FAM81A: variants seen among roughly 807,000 people sequenced by gnomAD.
The protein encoded by FAM81A is family with sequence similarity 81 member A.
In FAM81A, 19 loss-of-function variants were observed where a neutral mutation model predicts 46.7. The ratio of observed to expected loss-of-function variants is 0.41; its 90% CI spans 0.28 to 0.60. The LOEUF (loss-of-function observed/expected upper bound fraction) is 0.60, where lower values mean the gene tolerates loss of function less well. Among genes scored for constraint, FAM81A ranks in the 20% least tolerant of loss-of-function variants. The pLI is 0.34. For synonymous variants in FAM81A, 183 were observed against 152.9 expected (o/e 1.20, Z -1.45); for missense variants, 377 against 453.5 (o/e 0.83, Z 1.53).
intron 4 of FAM81A, among the ~76,000 whole-genome samples, chr15:59,499,514 G>A (rs1158861302): frequency 2.0e-5 from 3 of 152,048 alleles, no homozygotes; most frequent in Non-Finnish European, 4.4e-5. Flanking sequence ...GTTTTTTCAT[G>A]AGGATTCAAA....
chr15:59,498,309 T>G (rs1309194592), intron 4 of FAM81A, among the ~76,000 whole-genome samples: 4 of 152,238 alleles, frequency 2.6e-5, no homozygotes, highest in Non-Finnish European at 5.9e-5. Context: ...CTATTGTAAA[T>G]AGCAAATCAT....
intron 1 of FAM81A, among the ~76,000 whole-genome samples, chr15:59,400,641 A>G (rs1268263920): frequency 6.6e-6 from 1 of 150,622 alleles, no homozygotes; most frequent in Admixed American, 6.6e-5. Flanking sequence ...TGCTCCCTTC[A>G]CTCCAGCCTC....
At chr15:59,442,005 C>T (rs2081303194) in intron 1 of FAM81A, among the ~76,000 whole-genome samples, 1 of 152,244 alleles carries the variant, frequency 6.6e-6, no homozygotes, top group African/African-American at 2.4e-5. Context: ...ACTCTGATTA[C>T]TCCCGTTATG....
At chr15:59,489,457 A>T (rs1596521994) in intron 3 of FAM81A, among the ~76,000 whole-genome samples, 1 of 152,206 alleles carries the variant, frequency 6.6e-6, no homozygotes, top group East Asian at 1.9e-4. Context: ...GGAATACATA[A>T]TATTGTTAAA....
intron 3 of FAM81A, among the ~76,000 whole-genome samples, chr15:59,471,835 T>G (rs1372137453): frequency 2.0e-5 from 3 of 152,164 alleles, no homozygotes; most frequent in African/African-American, 7.2e-5. Context: ...CTCACATGTT[T>G]ACTAAGGACA....
intron 1 of FAM81A, chr15:59,440,168 G>C (rs1425902992): frequency 1.3e-5 from 2 of 152,004 alleles, no homozygotes; most frequent in African/African-American, 4.8e-5. Flanking sequence ...TTATCTTCTG[G>C]TCCAGTGCTT....
intron 3 of FAM81A, among the ~76,000 whole-genome samples, chr15:59,487,976 C>G (rs2081939462): frequency 6.6e-6 from 1 of 151,840 alleles, no homozygotes; most frequent in African/African-American, 2.4e-5. Context: ...AAACAAAAAA[C>G]CTACAGGCCA....
chr15:59,497,138 A>G (rs1237563551), intron 4 of FAM81A, among the ~76,000 whole-genome samples: 1 of 148,202 alleles, frequency 6.7e-6, no homozygotes, highest in Non-Finnish European at 1.5e-5. Flanking sequence ...AAAGAAGAAG[A>G]AGAAGAAGAA....
chr15:59,426,474 G>A (rs994090032), intron 2 of FAM81A, among the ~76,000 whole-genome samples: 5 of 152,152 alleles, frequency 3.3e-5, no homozygotes, highest in African/African-American at 7.2e-5. Flanking sequence ...TTAGCCAGGC[G>A]TGGTGGCGCA....
chr15:59,482,051 C>G (rs1361150161), intron 3 of FAM81A, among the ~76,000 whole-genome samples: 1 of 152,062 alleles, frequency 6.6e-6, no homozygotes, highest in Non-Finnish European at 1.5e-5. Context: ...CGCAGCCTCT[C>G]CCACTATCAA....
chr15:59,404,621 T>C (rs2081086443), intron 2 of FAM81A, among the ~76,000 whole-genome samples: 1 of 152,098 alleles, frequency 6.6e-6, no homozygotes, highest in African/African-American at 2.4e-5. Flanking sequence ...TACACCCACC[T>C]CATTTTTGTA....
At chr15:59,421,745 GTCTATCTATCTATCTA>G (rs1242529010) in intron 2 of FAM81A, among the ~76,000 whole-genome samples, 10 of 76,658 alleles carry the variant, frequency 1.3e-4, no homozygotes, top group African/African-American at 4.0e-4. Context: ...CTATCTATCT[GTCTATCTATCTATCTA>G]TCTATCTATC....
chr15:59,514,530 G>T, intron 7 of FAM81A, 106 bp downstream of exon 7: 1 of 1,371,164 alleles, frequency 7.3e-7, no homozygotes, highest in Non-Finnish European at 9.8e-7. Context: ...CTGTTCAATT[G>T]TTTCTTGCCT....
At chr15:59,511,619 T>C (rs558121926) in intron 6 of FAM81A, among the ~76,000 whole-genome samples, 8 of 152,186 alleles carry the variant, frequency 5.3e-5, no homozygotes, top group Admixed American at 2.0e-4. Context: ...CCAGGAGCTA[T>C]GTATCAGTAT....
intron 8 of FAM81A, among the ~76,000 whole-genome samples, chr15:59,518,635 A>C (rs2082292517): frequency 6.6e-6 from 1 of 152,108 alleles, no homozygotes; most frequent in South Asian, 2.1e-4. Flanking sequence ...CCCTTTTATT[A>C]TTTCAGTGTA....
In FAM81A at chr15:59,482,746, A is replaced by G. The variant is rs551960335; in HGVS notation, c.295-9525A>G. Among the ~76,000 whole-genome samples the G allele has an allele frequency of 1.8e-4, 28 of 152,372 alleles. No homozygotes were observed. The South Asian group carries it at 5.6e-3, about 30-fold the overall frequency. ...ACTATAGGCAAAGGTTTGCACCACT[A>G]CATACAAAAAGAATAAGTGTTACTT... On this transcript the variant is annotated intron_variant, in intron 3 of 8. Coordinates refer to ENST00000288228, the MANE Select transcript of FAM81A (RefSeq NM_152450.3).
chr15:59,471,827 C>T (rs1306400788), intron 3 of FAM81A, among the ~76,000 whole-genome samples: 4 of 152,100 alleles, frequency 2.6e-5, no homozygotes, highest in Non-Finnish European at 4.4e-5. Context: ...TTGAGATTCT[C>T]ACATGTTTAC....
chr15:59,480,973 C>T (rs1567062503), intron 3 of FAM81A, among the ~76,000 whole-genome samples: 1 of 152,078 alleles, frequency 6.6e-6, no homozygotes, highest in Non-Finnish European at 1.5e-5. Flanking sequence ...CTGTATTCTT[C>T]AAAGCACTTC....
intron 3 of FAM81A, among the ~76,000 whole-genome samples, chr15:59,477,726 C>G (rs2081791211): frequency 6.6e-6 from 1 of 152,202 alleles, no homozygotes; most frequent in Non-Finnish European, 1.5e-5. Context: ...TTGCCCCTTC[C>G]AGAACCCTAT....
Sources: allele counts gnomAD v4.1 joint callset (sites outside exome capture counted in the v4.1 genomes callset), GRCh38; gene constraint gnomAD v4.1.1; transcripts MANE v1.5; gene names NCBI Gene and HGNC (gene_info 2026-07-23, HGNC 2026-07-21).